Variants in B3GAT2 observed in about 807,000 individuals in gnomAD.
The protein encoded by B3GAT2 is beta-1,3-glucuronyltransferase 2.
B3GAT2 carries 26 observed loss-of-function variants against 27.8 expected under a neutral mutation model. The ratio of observed to expected loss-of-function variants is 0.93; its 90% CI spans 0.68 to 1.30. B3GAT2 has a LOEUF of 1.30. Among genes scored for constraint, B3GAT2 ranks in the 50% most tolerant of loss-of-function variants. B3GAT2 has a pLI of 0.00. For synonymous variants in B3GAT2, 218 were observed against 195.1 expected (o/e 1.12, Z -0.98); for missense variants, 458 against 459.0 (o/e 1.00, Z 0.02).
intron 1 of B3GAT2, among the ~76,000 whole-genome samples, chr6:70,935,954 T>A (rs1765268075): frequency 6.6e-6 from 1 of 151,464 alleles, no homozygotes; most frequent in Non-Finnish European, 1.5e-5. Context: ...AGACACAGAC[T>A]GGCAAATTGG....
At chr6:70,933,196 C>T (rs1017962724) in intron 1 of B3GAT2, among the ~76,000 whole-genome samples, 2 of 152,146 alleles carry the variant, frequency 1.3e-5, no homozygotes, top group African/African-American at 4.8e-5. Context: ...TTCAGAGGAA[C>T]AGCTGGGATT....
Position 70,858,250 on chromosome 6 carries a change from A to G in B3GAT2, c.*3413T>C, listed in dbSNP as rs372123234. On this transcript the variant is annotated 3_prime_UTR_variant, in exon 4 of 4. Coordinates refer to ENST00000230053, the MANE Select transcript of B3GAT2 (RefSeq NM_080742.3). ...CACAGGTAGGGGTCATTTACTTTCT[A>G]GCTTCTCCCAAATCAAACCAGATTT... 7.5e-5 allele frequency: 95 copies of G among 1,268,998 alleles called. No homozygotes were observed. The African/African-American group carries it at 1.1e-3, about 14-fold the overall frequency. The allele number at this position is 1,268,998 out of a possible 1,614,324, so 78.6% of individuals were successfully genotyped here.
chr6:70,935,966 T>A (rs1463552151), intron 1 of B3GAT2, among the ~76,000 whole-genome samples: 1 of 151,326 alleles, frequency 6.6e-6, no homozygotes, highest in Non-Finnish European at 1.5e-5. Context: ...GCAAATTGGA[T>A]AAAGAGTCAA....
chr6:70,919,343 G>C (rs1253168284), intron 1 of B3GAT2, among the ~76,000 whole-genome samples: 1 of 152,174 alleles, frequency 6.6e-6, no homozygotes, highest in African/African-American at 2.4e-5. Flanking sequence ...CGATTGGTTA[G>C]AACATGCTCC....
chr6:70,919,444 G>C (rs1392189886), intron 1 of B3GAT2, among the ~76,000 whole-genome samples: 1 of 152,140 alleles, frequency 6.6e-6, no homozygotes, highest in African/African-American at 2.4e-5. Flanking sequence ...TTGTTCCCTT[G>C]CTGGCGAGGA....
At chr6:70,862,847 C>T (rs1171049464) in intron 2 of B3GAT2, among the ~76,000 whole-genome samples, 4 of 151,950 alleles carry the variant, frequency 2.6e-5, no homozygotes, top group African/African-American at 7.2e-5. Context: ...GCACGTGGTG[C>T]GTGCCTGTAG....
chr6:70,898,045 A>G (rs768968131), intron 1 of B3GAT2, among the ~76,000 whole-genome samples: 18 of 152,190 alleles, frequency 1.2e-4, no homozygotes, highest in Non-Finnish European at 2.2e-4. Flanking sequence ...ATCAGATAGT[A>G]TTACTCCTCC....
chr6:70,947,818 T>C (rs537848785), intron 1 of B3GAT2, among the ~76,000 whole-genome samples: 1 of 152,304 alleles, frequency 6.6e-6, no homozygotes, highest in East Asian at 1.9e-4. Context: ...TGAACATTGA[T>C]GCAAAAATCC....
At chr6:70,931,145 G>T (rs1773056263) in intron 1 of B3GAT2, among the ~76,000 whole-genome samples, 2 of 152,026 alleles carry the variant, frequency 1.3e-5, no homozygotes, top group Non-Finnish European at 2.9e-5. Flanking sequence ...GAGAACACTT[G>T]GACACATGGT....
At chr6:70,926,725 G>C (rs1457196777) in intron 1 of B3GAT2, among the ~76,000 whole-genome samples, 1 of 152,196 alleles carries the variant, frequency 6.6e-6, no homozygotes, top group Non-Finnish European at 1.5e-5. Flanking sequence ...GTGACGGGGA[G>C]AATGGAACCA....
chr6:70,919,848 A>G (rs1772837585), intron 1 of B3GAT2, among the ~76,000 whole-genome samples: 1 of 152,212 alleles, frequency 6.6e-6, no homozygotes, highest in African/African-American at 2.4e-5. Context: ...CAGGCTACAC[A>G]GGGGTCAGGG....
intron 1 of B3GAT2, among the ~76,000 whole-genome samples, chr6:70,947,403 C>T (rs994050409): frequency 2.0e-5 from 3 of 152,104 alleles, no homozygotes; most frequent in Non-Finnish European, 2.9e-5. Context: ...GGGGATATCA[C>T]CACCGATCCC....
intron 1 of B3GAT2, among the ~76,000 whole-genome samples, chr6:70,949,656 G>T (rs1217369813): frequency 6.6e-6 from 1 of 151,236 alleles, no homozygotes; most frequent in Non-Finnish European, 1.5e-5. Context: ...TGATTCCTCA[G>T]GGATCTAGAA....
chr6:70,950,857 T>G (rs559719262), intron 1 of B3GAT2, among the ~76,000 whole-genome samples: 77 of 152,328 alleles, frequency 5.1e-4, no homozygotes, highest in African/African-American at 1.7e-3. Context: ...AATGCTCAAT[T>G]TATGTCAACT....
chr6:70,861,921 C>T lies in B3GAT2; in HGVS notation c.794G>A (p.Arg265His), dbSNP rs372171828. Reference protein sequence around the residue: ...LSNPKAVFKRRGSQPGMQESD... With the variant: ...LSNPKAVFKRHGSQPGMQESD... Reference sequence around the variant, plus strand: ...TTCTTGCATCCCTGGCTGGGATCCACGACGCTTAAATACAGCTTTTGGATT... The same window carrying T: ...TTCTTGCATCCCTGGCTGGGATCCATGACGCTTAAATACAGCTTTTGGATT... Residue 265 changes from arginine (R) to histidine (H), a missense_variant, in exon 3 of 4, where the codon CGT becomes CAT. Transcript: ENST00000230053. The T allele has an allele frequency of 1.5e-5, 24 of 1,613,674 alleles. No individual in the cohort carries two copies. The highest frequency in any genetic ancestry group is 1.7e-4 in the Middle Eastern group (1 of 6,060).
intron 1 of B3GAT2, among the ~76,000 whole-genome samples, chr6:70,940,337 A>T (rs1562235497): frequency 6.6e-6 from 1 of 152,184 alleles, no homozygotes; most frequent in Non-Finnish European, 1.5e-5. Context: ...CAAGGGGCTC[A>T]GTGTCCCCAG....
intron 1 of B3GAT2, among the ~76,000 whole-genome samples, chr6:70,954,616 G>C (rs944257742): frequency 6.6e-5 from 10 of 152,138 alleles, no homozygotes; most frequent in African/African-American, 2.2e-4. Flanking sequence ...GATTATTTTA[G>C]CAGTTCAGTG....
chr6:70,861,991 TAAAAA>T lies in B3GAT2; in HGVS notation c.737-18_737-14del, dbSNP rs575008239. ...CTTACAGCAAATCCTTTGTGAAAAA[TAAAAA>T]AAAAAAAGAGACTTTAAAATCCTGG... On this transcript the variant is annotated splice_polypyrimidine_tract_variant and intron_variant, in intron 2 of 3. Transcript: ENST00000230053. The T allele has an allele frequency of 2.0e-5, 25 of 1,222,926 alleles. No individual in the cohort carries two copies. In the East Asian group the frequency reaches 5.6e-4, roughly 28 times the overall value. 75.8% of individuals were successfully genotyped at this position (1,222,926 alleles called of 1,614,324 possible).
chr6:70,895,770 CTT>C (rs1369589825), intron 1 of B3GAT2, among the ~76,000 whole-genome samples: 5 of 151,920 alleles, frequency 3.3e-5, no homozygotes, highest in Admixed American at 1.3e-4. Flanking sequence ...TTTATAATCT[CTT>C]ATCATTTTTT....
Sources: allele counts gnomAD v4.1 joint callset (sites outside exome capture counted in the v4.1 genomes callset), GRCh38; gene constraint gnomAD v4.1.1; transcripts MANE v1.5; gene names NCBI Gene and HGNC (gene_info 2026-07-23, HGNC 2026-07-21).